The following FBXO2 variants were observed in gnomAD, a reference collection of about 807,000 sequenced individuals.
The protein encoded by FBXO2 is F-box only protein 2.
In FBXO2, 32 loss-of-function variants were observed where a neutral mutation model predicts 38.6. The observed-to-expected ratio is 0.83, with a 90% CI of 0.62 to 1.11. FBXO2 has a LOEUF of 1.11. Ranked by LOEUF, FBXO2 falls within the 50% of genes most tolerant of loss-of-function variation. The probability of loss-of-function intolerance (pLI) is 0.00; values close to 1 mark genes in which losing one functional copy is unlikely to be tolerated. For synonymous variants in FBXO2, 189 were observed against 182.9 expected, an observed-to-expected ratio of 1.03 and a Z score of -0.27; for missense variants, 450 against 418.3, an observed-to-expected ratio of 1.08 and a Z score of -0.66.
Position 11,650,907 on chromosome 1 carries a change from G to A in FBXO2, c.23-73C>T. On this transcript the variant is annotated intron_variant, in intron 1 of 5. Transcript: ENST00000354287. ...CCTCCAGGCCCCAGGACTGCAATGT[G>A]CCCGTAACCTCCCCCACCCACCGTG... The A allele has an allele frequency of 2.7e-6, 4 of 1,505,558 alleles. 1 individual carries two copies. Among genetic ancestry groups the A allele is most frequent in the Non-Finnish European group, 3.5e-6 (4 of 1,134,394 alleles). 93.3% of individuals were successfully genotyped at this position (1,505,558 alleles called of 1,614,324 possible).
intron 1 of FBXO2, among the ~76,000 whole-genome samples, chr1:11,652,534 A>C (rs1398394969): frequency 1.3e-5 from 2 of 152,218 alleles, no homozygotes; most frequent in Non-Finnish European, 2.9e-5. Flanking sequence ...CGGCAGCCGG[A>C]CTGTCTCTTG....
Position 11,650,637 on chromosome 1 carries a change from C to G in FBXO2, c.220G>C (p.Val74Leu). ...ACCAGCTCCTTCCAGCGCAGGCACACCAGGCGGCAGGCCTGCACCAGCTCG... is the reference window on the plus strand; with the variant it reads ...ACCAGCTCCTTCCAGCGCAGGCACAGCAGGCGGCAGGCCTGCACCAGCTCG... ...AAELVQACRLVCLRWKELVDG... is the reference protein window; with the variant it reads ...AAELVQACRLLCLRWKELVDG... Residue 74 changes from valine (V) to leucine (L), a missense_variant, in exon 2 of 6, where the codon GTG becomes CTG. By Grantham distance (32) the Val-to-Leu change is conservative (BLOSUM62 1). Transcript: ENST00000354287. The G allele has an allele frequency of 1.9e-6, 3 of 1,579,044 alleles. No individual in the cohort carries two copies. The highest frequency in any genetic ancestry group is 2.6e-6 in the Non-Finnish European group (3 of 1,167,652).
In FBXO2 at chr1:11,649,867, G is replaced by A. The variant is rs369589187; in HGVS notation, c.529C>T (p.Arg177Cys). Residue 177 changes from arginine (R) to cysteine (C), a missense_variant, in exon 4 of 6, where the codon CGC becomes TGC. By Grantham distance (180) the Arg-to-Cys change is radical. Coordinates refer to ENST00000354287, the MANE Select transcript of FBXO2 (RefSeq NM_012168.6). ...TGCAGGTCAATGACCTGTGCTTTGC[G>A]ACACCACCTGGGAGAACTGGAGTTA... ...KYFASSFEWC[R>C]KAQVIDLQAE... The A allele has an allele frequency of 1.2e-5, 20 of 1,613,890 alleles. No homozygotes were observed. In the African/African-American group the frequency reaches 2.0e-4, roughly 16 times the overall value.
At chr1:11,649,060 C>T in intron 5 of FBXO2, 27 bp downstream of exon 5, 1 of 1,567,702 alleles carries the variant, frequency 6.4e-7, no homozygotes. Flanking sequence ...GTGCCCCACC[C>T]CTCCGCCCTG....
intron 1 of FBXO2, among the ~76,000 whole-genome samples, chr1:11,651,472 C>T (rs1280576628): frequency 1.3e-5 from 2 of 152,222 alleles, no homozygotes. Flanking sequence ...ATTTCAACTT[C>T]ATTTACTCTT....
Position 11,648,678 on chromosome 1 carries a change from GTGGA to G in FBXO2, c.*12_*15del. 1 of 1,612,544 alleles carries G rather than the reference GTGGA, an allele frequency of 6.2e-7. No individual in the cohort carries two copies. Among genetic ancestry groups the G allele is most frequent in the East Asian group, 2.2e-5 (1 of 44,838 alleles). On this transcript the variant is annotated 3_prime_UTR_variant, in exon 6 of 6. Transcript: ENST00000354287. The surrounding 1 kb of genome is among the most constrained non-coding windows in gnomAD (Gnocchi z 4.2). Reference sequence around the variant, plus strand: ...TGCCCCTCCAGGCAGCTGGGGGAGAGTGGAGGCAGGGTCGCTCAGGGTTCTACCC... The same window carrying G: ...TGCCCCTCCAGGCAGCTGGGGGAGAGGGCAGGGTCGCTCAGGGTTCTACCC...
rs1183800087 is a variant in FBXO2, at chr1:11,650,643, G to A, written c.214C>T (p.Arg72Cys). Residue 72 changes from arginine (R) to cysteine (C), a missense_variant, in exon 2 of 6, where the codon CGC becomes TGC. Arg to Cys is a radical substitution (Grantham distance 180). Coordinates refer to ENST00000354287, the MANE Select transcript of FBXO2 (RefSeq NM_012168.6). ...TCCTTCCAGCGCAGGCACACCAGGC[G>A]GCAGGCCTGCACCAGCTCGGCGGCC... ...LPAAELVQAC[R>C]LVCLRWKELV... 1 of 1,573,500 alleles carries A rather than the reference G, an allele frequency of 6.4e-7. No individual in the cohort carries two copies. The highest frequency in any genetic ancestry group is 1.3e-5 in the African/African-American group (1 of 74,382).
chr1:11,652,874 G>A (rs1639551283), intron 1 of FBXO2, among the ~76,000 whole-genome samples: 1 of 152,188 alleles, frequency 6.6e-6, no homozygotes, highest in African/African-American at 2.4e-5. Context: ...AGCTTTCACA[G>A]AGCCCAGAGC....
rs1009871634 is a variant in FBXO2, at chr1:11,654,375, A to G, written c.-35T>C. ...GGGCGGTCGCGAGAGGAGGAGCCGG[A>G]GCGCTGCGGGCTGCGCGAGTCCCGG... is the stretch of plus-strand genomic sequence containing the variant. On this transcript the variant is annotated 5_prime_UTR_variant, in exon 1 of 6. Coordinates refer to ENST00000354287, the MANE Select transcript of FBXO2 (RefSeq NM_012168.6). 31 of 1,384,006 alleles carry G rather than the reference A, an allele frequency of 2.2e-5. No homozygotes were observed. The African/African-American group carries it at 4.0e-4, about 18-fold the overall frequency. 85.7% of individuals were successfully genotyped at this position (1,384,006 alleles called of 1,614,324 possible).
Position 11,650,769 on chromosome 1 carries a change from C to G in FBXO2, c.88G>C (p.Glu30Gln). ...EQPEEASAEE[E>Q]RPEDQQEEEA... ...TCCTCCTGCTGGTCCTCCGGCCGCT[C>G]CTCCTCAGCACTCGCCTCCTCTGGC... Residue 30 changes from glutamate to glutamine, a missense_variant, in exon 2 of 6, where the codon GAG becomes CAG. By Grantham distance (29) the Glu-to-Gln change is conservative. Coordinates refer to ENST00000354287, the MANE Select transcript of FBXO2 (RefSeq NM_012168.6). The G allele has an allele frequency of 6.5e-7, 1 of 1,533,946 alleles. No homozygotes were observed. The highest frequency in any genetic ancestry group is 1.4e-5 in the African/African-American group (1 of 72,332).
At chr1:11,649,524 G>C in intron 4 of FBXO2, 1 of 588,144 alleles carries the variant, frequency 1.7e-6, no homozygotes, top group Non-Finnish European at 3.0e-6. Flanking sequence ...GACTGATTTT[G>C]AAATATATAC....
intron 2 of FBXO2, 62 bp downstream of exon 2, chr1:11,650,404 G>A: frequency 9.0e-6 from 14 of 1,554,776 alleles, no homozygotes; most frequent in Non-Finnish European, 9.6e-6. Context: ...AAAGCCAGGC[G>A]GCGCCGTTTC....
In FBXO2 at chr1:11,648,878, C is replaced by T. The variant is rs1297227850; in HGVS notation, c.757-50G>A. ...AGCCTCGGAGGTCCTGAGGCCTCTCCTGCCGCCCCACCCCGGTACACCGAC... is the reference window on the plus strand; with the variant it reads ...AGCCTCGGAGGTCCTGAGGCCTCTCTTGCCGCCCCACCCCGGTACACCGAC... On this transcript the variant is annotated intron_variant, in intron 5 of 5. Transcript: ENST00000354287. The surrounding 1 kb of genome is among the most constrained non-coding windows in gnomAD (Gnocchi z 4.2). 1.2e-6 allele frequency: 2 copies of T among 1,603,594 alleles called. No individual in the cohort carries two copies. The highest frequency in any genetic ancestry group is 3.3e-5 in the Admixed American group (2 of 59,746).
chr1:11,653,060 G>A (rs1021194165), intron 1 of FBXO2, among the ~76,000 whole-genome samples: 3 of 152,178 alleles, frequency 2.0e-5, no homozygotes, highest in Non-Finnish European at 2.9e-5. Flanking sequence ...AGACCACATC[G>A]CAGAACGGCA....
rs778957372 is a variant in FBXO2 at position 11,650,474 on chromosome 1, C to A, written c.383G>T (p.Cys128Phe). Residue 128 changes from cysteine (C) to phenylalanine (F), a missense_variant, in exon 2 of 6, where the codon TGT becomes TTT. Coordinates refer to ENST00000354287, the MANE Select transcript of FBXO2 (RefSeq NM_012168.6). ...KRRRNLLRNP[C>F]GEEDLEGWCD... ...CAGCGAGGGCCTCTCACCTTCCCCACACGGGTTACGCAGAAGGTTGCGGCG... is the reference window on the plus strand; with the variant it reads ...CAGCGAGGGCCTCTCACCTTCCCCAAACGGGTTACGCAGAAGGTTGCGGCG... The A allele has an allele frequency of 7.5e-6, 12 of 1,609,398 alleles. No individual in the cohort carries two copies. The highest frequency in any genetic ancestry group is 1.0e-5 in the Non-Finnish European group (12 of 1,178,562).
intron 2 of FBXO2, 43 bp from the exon 3 acceptor site, chr1:11,650,117 C>G (rs1050655780): frequency 1.2e-6 from 2 of 1,608,814 alleles, no homozygotes; most frequent in Non-Finnish European, 1.7e-6. Flanking sequence ...TCAGTCCCTG[C>G]TAAGGCTGGC....
At position 11,649,065 on chromosome 1, in the gene FBXO2, GC is replaced by G. The variant is rs1557653125; in HGVS notation, c.756+21del. On this transcript the variant is annotated intron_variant, in intron 5 of 5. Transcript: ENST00000354287. ...CCTCATGTCCGTGCCCCACCCCTCC[GC>G]CCTGGGTCCCCCAGGCTCACCTCCA... 4.6e-6 allele frequency: 7 copies of G among 1,517,230 alleles called. No individual in the cohort carries two copies. In the South Asian group the frequency reaches 8.2e-5, roughly 18 times the overall value. The allele number at this position is 1,517,230 out of a possible 1,614,324, so 94.0% of individuals were successfully genotyped here.
In FBXO2 at chr1:11,650,662, G is replaced by A. The variant is rs757543740; in HGVS notation, c.195C>T (p.Ala65=). ...LLRVLAALPA[A]ELVQACRLVC... is the part of the protein sequence containing the mutation. ...CCAGGCGGCAGGCCTGCACCAGCTCGGCGGCCGGCAGTGCGGCCAGCACGC... is the reference window on the plus strand; with the variant it reads ...CCAGGCGGCAGGCCTGCACCAGCTCAGCGGCCGGCAGTGCGGCCAGCACGC... Residue 65 remains alanine, a synonymous_variant, in exon 2 of 6, where the codon GCC becomes GCT. Coordinates refer to ENST00000354287, the MANE Select transcript of FBXO2 (RefSeq NM_012168.6). The A allele has an allele frequency of 1.3e-6, 2 of 1,549,656 alleles. No individual in the cohort carries two copies. The highest frequency in any genetic ancestry group is 1.4e-5 in the African/African-American group (1 of 73,010).
chr1:11,649,954 G>A lies in FBXO2; in HGVS notation c.512C>T (p.Ser171Phe), dbSNP rs997456420. 1.9e-6 allele frequency: 3 copies of A among 1,613,872 alleles called. No individual in the cohort carries two copies. The highest frequency in any genetic ancestry group is 1.3e-5 in the African/African-American group (1 of 74,908). Reference sequence around the variant, plus strand: ...ACCCCCTTCTCCTTACTCAAAGGAGGAGGCGAAGTACTTCTTGACGCTCTC... The same window carrying A: ...ACCCCCTTCTCCTTACTCAAAGGAGAAGGCGAAGTACTTCTTGACGCTCTC... ...HDESVKKYFA[S>F]SFEWCRKAQV... The change falls in exon 3 of 6, where the codon TCC becomes TTC. Residue 171 changes from serine (S) to phenylalanine (F), a missense_variant. Transcript: ENST00000354287.
Sources: allele counts gnomAD v4.1 joint callset (sites outside exome capture counted in the v4.1 genomes callset), GRCh38; gene constraint gnomAD v4.1.1; non-coding constraint Gnocchi (gnomAD v3.1); transcripts MANE v1.5; gene names NCBI Gene and HGNC (gene_info 2026-07-23, HGNC 2026-07-21).